Variants in BIRC6 observed in about 807,000 individuals in gnomAD.
BIRC6 encodes the protein dual E2 ubiquitin-conjugating enzyme/E3 ubiquitin-protein ligase BIRC6.
A neutral mutation model predicts 503.3 loss-of-function variants in BIRC6; 98 were observed. The observed-to-expected ratio is 0.19, with a 90% CI of 0.17 to 0.23. The LOEUF is 0.23. Among genes scored for constraint, BIRC6 ranks in the 10% least tolerant of loss-of-function variants. The pLI is 1.00. For synonymous variants in BIRC6, 2,240 were observed against 2,078.7 expected (o/e 1.08, Z -2.11); for missense variants, 5,360 against 5,806.0 (o/e 0.92, Z 2.50).
intron 26 of BIRC6, among the ~76,000 whole-genome samples, chr2:32,466,103 T>A (rs1314733654): frequency 6.6e-6 from 1 of 152,174 alleles, no homozygotes; most frequent in Non-Finnish European, 1.5e-5. Flanking sequence ...TTTTTAATAA[T>A]TTTTCTTGTT....
intron 8 of BIRC6, among the ~76,000 whole-genome samples, chr2:32,404,111 G>C (rs1034348582): frequency 2.0e-5 from 3 of 151,782 alleles, no homozygotes; most frequent in Non-Finnish European, 4.4e-5. Context: ...TGTATTTTTA[G>C]TAGAGAAAGG....
At chr2:32,594,487 G>A (rs759794860) in intron 67 of BIRC6, among the ~76,000 whole-genome samples, 1 of 152,268 alleles carries the variant, frequency 6.6e-6, no homozygotes, top group East Asian at 1.9e-4. Context: ...TTGAGCTCAG[G>A]AGTTCAAGAT....
At chr2:32,472,985 T>G in intron 32 of BIRC6, 127 bp from the exon 33 acceptor site, 1 of 748,380 alleles carries the variant, frequency 1.3e-6, no homozygotes, top group South Asian at 2.2e-5. Flanking sequence ...TTTACAATGT[T>G]TTTCTTATTA....
intron 66 of BIRC6, among the ~76,000 whole-genome samples, chr2:32,581,045 C>G (rs902301212): frequency 4.6e-5 from 7 of 152,216 alleles, no homozygotes; most frequent in Admixed American, 1.3e-4. Context: ...TTTTCCAACA[C>G]TAATCCTATT....
At position 32,465,133 on chromosome 2, in the gene BIRC6, C is replaced by G; in HGVS notation, c.5325C>G (p.His1775Gln). The G allele has an allele frequency of 6.2e-7, 1 of 1,600,134 alleles. No individual in the cohort carries two copies. The highest frequency in any genetic ancestry group is 8.5e-7 in the Non-Finnish European group (1 of 1,171,140). Reference sequence around the variant, plus strand: ...CACATTTTCTTCAACCTCCGCCTCACCAGTCCATTATTATAGAGCGAATGC... The same window carrying G: ...CACATTTTCTTCAACCTCCGCCTCAGCAGTCCATTATTATAGAGCGAATGC... ...HASHFLQPPP[H>Q]QSIIIERMHS... The change falls in exon 26 of 74, where the codon CAC becomes CAG. Residue 1775 changes from histidine (H) to glutamine (Q), a missense_variant. His to Gln is a conservative substitution (Grantham distance 24, BLOSUM62 0). Transcript: ENST00000421745.
At chr2:32,456,028 G>A (rs894529023) in intron 23 of BIRC6, among the ~76,000 whole-genome samples, 1 of 152,118 alleles carries the variant, frequency 6.6e-6, no homozygotes, top group Non-Finnish European at 1.5e-5. Flanking sequence ...GCATAGCTCG[G>A]CAGTTTATCA....
chr2:32,460,993 CTCTGCTCTCTTCTCTTCTCTTCTCT>C (rs1450031119), intron 23 of BIRC6, among the ~76,000 whole-genome samples: 72 of 139,070 alleles, frequency 5.2e-4, no homozygotes, highest in African/African-American at 1.6e-3. Context: ...CTCTGCTCTG[CTCTGCTCTCTTCTCTTCTCTTCTCT>C]TCTCTTCTCT....
intron 65 of BIRC6, chr2:32,558,702 C>A (rs1286327572): frequency 1.3e-5 from 2 of 152,078 alleles, no homozygotes; most frequent in African/African-American, 4.8e-5. Flanking sequence ...TGCTTTAGTC[C>A]ACAATAGTGA....
At chr2:32,534,567 C>T (rs2057048111) in intron 61 of BIRC6, among the ~76,000 whole-genome samples, 3 of 151,042 alleles carry the variant, frequency 2.0e-5, no homozygotes, top group Admixed American at 6.6e-5. Flanking sequence ...CCCATCTCTA[C>T]TAAAAGTACA....
chr2:32,416,166 A>G lies in BIRC6; in HGVS notation c.2872+3A>G. The G allele has an allele frequency of 5.1e-6, 8 of 1,577,462 alleles. No individual in the cohort carries two copies. The highest frequency in any genetic ancestry group is 6.9e-6 in the Non-Finnish European group (8 of 1,162,474). On this transcript the variant is annotated splice_donor_region_variant and intron_variant, in intron 10 of 73. Transcript: ENST00000421745. ...CAGGCTGTGTGCATGCACCAAAGGTAAGTTGTCTGATTATGCTATAAATCT... is the reference window on the plus strand; with the variant it reads ...CAGGCTGTGTGCATGCACCAAAGGTGAGTTGTCTGATTATGCTATAAATCT...
chr2:32,612,326 C>T (rs1364665979), intron 73 of BIRC6, among the ~76,000 whole-genome samples: 2 of 152,104 alleles, frequency 1.3e-5, no homozygotes, highest in African/African-American at 2.4e-5. Flanking sequence ...TCAGTTTGGA[C>T]GTTCATAGAA....
chr2:32,610,269 A>G (rs1423013107), intron 72 of BIRC6, among the ~76,000 whole-genome samples: 2 of 152,230 alleles, frequency 1.3e-5, no homozygotes, highest in African/African-American at 4.8e-5. Flanking sequence ...ATACAGAGCA[A>G]TGTTTCCAAA....
At position 32,395,490 on chromosome 2, in the gene BIRC6, CTT is replaced by C. The variant is rs2149631131; in HGVS notation, c.952-18_952-17del. 3.9e-6 allele frequency: 6 copies of C among 1,554,140 alleles called. No individual in the cohort carries two copies. Among genetic ancestry groups the C allele is most frequent in the East Asian group, 2.2e-5 (1 of 44,488 alleles). ...TAATAATGATTTACCTTTTCTGTCTCTTTTCTTTATAATTTTGCAGCCTGCCT... is the reference window on the plus strand; with the variant it reads ...TAATAATGATTTACCTTTTCTGTCTCTTCTTTATAATTTTGCAGCCTGCCT... On this transcript the variant is annotated intron_variant, in intron 5 of 73. Coordinates refer to ENST00000421745, the MANE Select transcript of BIRC6 (RefSeq NM_016252.4).
chr2:32,578,996 A>AAT (rs369388507), intron 66 of BIRC6, among the ~76,000 whole-genome samples: 14 of 48,578 alleles, frequency 2.9e-4, no homozygotes, highest in East Asian at 6.0e-4. Flanking sequence ...ATATACACTT[A>AAT]ATATATATAT....
intron 9 of BIRC6, among the ~76,000 whole-genome samples, chr2:32,407,526 A>C (rs1030540671): frequency 9.9e-5 from 15 of 151,900 alleles, no homozygotes; most frequent in African/African-American, 3.6e-4. Flanking sequence ...CAGTATTTTT[A>C]AAAAGTGACC....
chr2:32,448,387 G>A (rs1391864503), intron 21 of BIRC6, among the ~76,000 whole-genome samples: 5 of 148,300 alleles, frequency 3.4e-5, no homozygotes, highest in South Asian at 2.2e-4. Context: ...ACGAGACTCC[G>A]TCTGCAATCC....
In BIRC6 at chr2:32,467,876, A is replaced by G. The variant is rs11900298; in HGVS notation, c.5572-27A>G. The G allele has an allele frequency of 3.5e-3, 5,416 of 1,552,912 alleles. 164 individuals carry two copies. In the African/African-American group the frequency reaches 0.065, roughly 19 times the overall value. On this transcript the variant is annotated intron_variant, in intron 27 of 73. Transcript: ENST00000421745. ...TTTTTATTGTGGCAGATGTGTATAT[A>G]TGTATATTTATAATTTTTCATTTCA...
chr2:32,381,573 TCTCA>T (rs1438248050), intron 3 of BIRC6, among the ~76,000 whole-genome samples: 1 of 136,564 alleles, frequency 7.3e-6, no homozygotes, highest in Admixed American at 7.9e-5. Context: ...CGAGACAGAG[TCTCA>T]CTCTGTAACC....
chr2:32,557,633 A>C (rs1033835907), intron 65 of BIRC6: 5 of 152,208 alleles, frequency 3.3e-5, no homozygotes, highest in Non-Finnish European at 7.3e-5. Context: ...TGTGCTTTTA[A>C]AGGATAGTTT....
Sources: allele counts gnomAD v4.1 joint callset (sites outside exome capture counted in the v4.1 genomes callset), GRCh38; gene constraint gnomAD v4.1.1; transcripts MANE v1.5; gene names NCBI Gene and HGNC (gene_info 2026-07-23, HGNC 2026-07-21).